Variants in CSMD1 observed in about 807,000 individuals in gnomAD.
CSMD1 encodes CUB and sushi domain-containing protein 1.
CSMD1 carries 213 observed loss-of-function variants against 417.5 expected under a neutral mutation model. The observed-to-expected ratio is 0.51, with a 90% confidence interval of 0.46 to 0.57. The LOEUF is 0.57. Ranked by LOEUF, CSMD1 falls within the 20% of genes least tolerant of loss-of-function variation. The pLI is 0.00. For synonymous variants in CSMD1, 2,862 were observed against 1,736.8 expected (o/e 1.65, Z -16.11); for missense variants, 6,923 against 4,529.7 (o/e 1.53, Z -15.17).
chr8:3,805,980 G>A (rs1263471397), intron 5 of CSMD1, among the ~76,000 whole-genome samples: 1 of 151,898 alleles, frequency 6.6e-6, no homozygotes, highest in Admixed American at 6.6e-5. Context: ...CAGATTCTAG[G>A]CAAGACTTTT....
intron 37 of CSMD1, among the ~76,000 whole-genome samples, chr8:3,179,169 T>C (rs1003092946): frequency 6.6e-6 from 1 of 151,506 alleles, no homozygotes; most frequent in Non-Finnish European, 1.5e-5. Flanking sequence ...ACTGTCTCGA[T>C]CTCCTGACCT....
intron 12 of CSMD1, among the ~76,000 whole-genome samples, chr8:3,443,003 G>A (rs1040790341): frequency 6.6e-6 from 1 of 152,056 alleles, no homozygotes; most frequent in Non-Finnish European, 1.5e-5. Context: ...CTTTCTATAG[G>A]AACTTGCATA....
intron 3 of CSMD1, among the ~76,000 whole-genome samples, chr8:4,204,820 A>G (rs1205189288): frequency 2.1e-5 from 3 of 141,244 alleles, no homozygotes; most frequent in Non-Finnish European, 3.0e-5. Flanking sequence ...ACACACAGCT[A>G]ACTTTTATTT....
At chr8:3,142,730 T>C (rs755618079) in intron 40 of CSMD1, 56 bp from the exon 41 acceptor site, 32 of 1,405,478 alleles carry the variant, frequency 2.3e-5, no homozygotes, top group African/African-American at 2.8e-5. Context: ...ATAAAATCAA[T>C]GCTCATAAAA....
chr8:4,329,587 C>CA (rs1298095536), intron 3 of CSMD1, among the ~76,000 whole-genome samples: 38 of 152,076 alleles, frequency 2.5e-4, no homozygotes, highest in African/African-American at 7.0e-4. Flanking sequence ...CGCACGTTGC[C>CA]AAAAAATACT....
At chr8:3,419,855 G>C (rs1490068238) in intron 12 of CSMD1, among the ~76,000 whole-genome samples, 7 of 152,132 alleles carry the variant, frequency 4.6e-5, no homozygotes, top group Non-Finnish European at 8.8e-5. Flanking sequence ...AAGCAGGATA[G>C]CAAAGTGAGT....
chr8:4,258,957 A>C (rs1803678779), intron 3 of CSMD1, among the ~76,000 whole-genome samples: 1 of 152,184 alleles, frequency 6.6e-6, no homozygotes, highest in Non-Finnish European at 1.5e-5. Flanking sequence ...TTAATACACT[A>C]AGGTGTATAA....
intron 3 of CSMD1, among the ~76,000 whole-genome samples, chr8:4,043,129 T>C (rs576749678): frequency 6.6e-6 from 1 of 152,050 alleles, no homozygotes; most frequent in East Asian, 1.9e-4. Context: ...TGAGACTCTG[T>C]CTACAAAACA....
At chr8:4,340,463 C>A (rs1046640445) in intron 3 of CSMD1, among the ~76,000 whole-genome samples, 1 of 152,072 alleles carries the variant, frequency 6.6e-6, no homozygotes, top group Non-Finnish European at 1.5e-5. Flanking sequence ...AATTATGGGT[C>A]TGTCTAGGGG....
chr8:2,936,283 T>C lies in CSMD1; in HGVS notation c.*2302A>G, dbSNP rs1801458515. 1.3e-5 allele frequency: 2 copies of C among 151,912 alleles called. No homozygotes were observed. The highest frequency in any genetic ancestry group is 4.8e-5 in the African/African-American group (2 of 41,324). 9.4% of individuals were successfully genotyped at this position (151,912 alleles called of 1,614,324 possible). ...ATAGCATCGTTGACCAGGGAGCAGG[T>C]CAGGGATATGGGAACAGAGATGTTA... is the stretch of plus-strand genomic sequence containing the variant. On this transcript the variant is annotated 3_prime_UTR_variant, in exon 70 of 70. Coordinates refer to ENST00000635120, the MANE Select transcript of CSMD1 (RefSeq NM_033225.6).
intron 3 of CSMD1, among the ~76,000 whole-genome samples, chr8:4,376,392 G>A (rs534816442): frequency 3.9e-5 from 6 of 152,210 alleles, no homozygotes; most frequent in Non-Finnish European, 5.9e-5. Context: ...TATGTAACCC[G>A]TGCTGTGATT....
chr8:3,357,685 T>C (rs2406357), intron 21 of CSMD1, among the ~76,000 whole-genome samples: 9,180 of 152,234 alleles, frequency 0.06, 470 homozygotes, highest in East Asian at 0.22. Context: ...GGGGGTTTTG[T>C]CCAGATTTCA....
chr8:3,134,158 G>A (rs1817947988), intron 41 of CSMD1, among the ~76,000 whole-genome samples: 1 of 151,874 alleles, frequency 6.6e-6, no homozygotes, highest in Admixed American at 6.6e-5. Context: ...TCGACAGAGT[G>A]AGACTCCATC....
intron 7 of CSMD1, among the ~76,000 whole-genome samples, chr8:3,697,110 A>G (rs922891764): frequency 3.3e-5 from 5 of 152,176 alleles, no homozygotes; most frequent in African/African-American, 9.6e-5. Context: ...TTGCTAGGTC[A>G]TCAATAATCA....
chr8:4,128,659 G>C (rs1314185856), intron 3 of CSMD1, among the ~76,000 whole-genome samples: 1 of 152,020 alleles, frequency 6.6e-6, no homozygotes, highest in Admixed American at 6.6e-5. Context: ...ATGGAAATAT[G>C]TCTTCTTTCT....
At chr8:4,958,704 A>G (rs1809282792) in intron 1 of CSMD1, among the ~76,000 whole-genome samples, 1 of 152,180 alleles carries the variant, frequency 6.6e-6, no homozygotes, top group Admixed American at 6.5e-5. Flanking sequence ...ACATAATTAG[A>G]TTTAGTGACT....
chr8:4,403,815 C>T (rs934691656), intron 3 of CSMD1, among the ~76,000 whole-genome samples: 4 of 152,168 alleles, frequency 2.6e-5, no homozygotes, highest in African/African-American at 9.7e-5. Context: ...TTTCTAGCTG[C>T]TCAAATGGCA....
intron 5 of CSMD1, among the ~76,000 whole-genome samples, chr8:3,793,526 C>T (rs530929792): frequency 4.6e-5 from 7 of 150,570 alleles, no homozygotes; most frequent in East Asian, 4.0e-4. Context: ...TCTCTGGATT[C>T]GATCTCTGGG....
chr8:4,521,545 G>C (rs1803447786), intron 2 of CSMD1, among the ~76,000 whole-genome samples: 1 of 152,272 alleles, frequency 6.6e-6, no homozygotes, highest in African/African-American at 2.4e-5. Flanking sequence ...CTATAGCAGT[G>C]ATACATGATA....
Sources: allele counts gnomAD v4.1 joint callset (sites outside exome capture counted in the v4.1 genomes callset), GRCh38; gene constraint gnomAD v4.1.1; transcripts MANE v1.5; gene names NCBI Gene and HGNC (gene_info 2026-07-23, HGNC 2026-07-21).